The following EVC2 variants were observed in gnomAD, a reference collection of about 807,000 sequenced individuals.
The protein encoded by EVC2 is limbin.
Under a neutral mutation model 149.3 loss-of-function variants are expected in EVC2, and 148 were observed. The observed-to-expected ratio is 0.99, with a 90% CI of 0.87 to 1.14. The LOEUF is 1.14. EVC2 is among the 50% of genes most tolerant of loss of function. EVC2 has a pLI of 0.00. For synonymous variants in EVC2, 776 were observed against 649.9 expected (o/e 1.19, Z -2.95); for missense variants, 1,854 against 1,627.3 (o/e 1.14, Z -2.40).
intron 9 of EVC2, among the ~76,000 whole-genome samples, chr4:5,646,595 A>ACT (rs1717736834): frequency 6.6e-6 from 1 of 152,226 alleles, no homozygotes; most frequent in African/African-American, 2.4e-5. Flanking sequence ...ATAGAGATGT[A>ACT]TAATTATTTC....
At chr4:5,662,612 ATATT>A (rs917986252) in intron 9 of EVC2, among the ~76,000 whole-genome samples, 10 of 145,076 alleles carry the variant, frequency 6.9e-5, no homozygotes, top group African/African-American at 2.3e-4. Context: ...ATATTTAAAT[ATATT>A]TAGATTAATT....
intron 16 of EVC2, among the ~76,000 whole-genome samples, chr4:5,605,865 C>T (rs138162558): frequency 5.4e-4 from 82 of 152,320 alleles, no homozygotes; most frequent in African/African-American, 1.9e-3. Context: ...GCAACTTTGA[C>T]ATCTCCCCCT....
In EVC2 at chr4:5,613,198, GC is replaced by G. The variant is rs1714986690; in HGVS notation, c.2829+2223del. 6.6e-6 allele frequency among the ~76,000 whole-genome samples: 1 copy of G among 152,064 alleles called. No homozygotes were observed. The highest frequency in any genetic ancestry group is 1.5e-5 in the Non-Finnish European group (1 of 67,998). ...TTTGAGCAGGTTCCTCCACGGGGCT[GC>G]TCCCCCATCCACTGGCCATGACCCA... On this transcript the variant is annotated intron_variant, in intron 16 of 21. Transcript: ENST00000344408. This position sits in a 1 kb window ranked among gnomAD's most constrained non-coding sequence, Gnocchi z 4.6.
At chr4:5,674,750 G>A (rs1275723223) in intron 7 of EVC2, among the ~76,000 whole-genome samples, 2 of 152,154 alleles carry the variant, frequency 1.3e-5, no homozygotes, top group Non-Finnish European at 2.9e-5. Context: ...TTTCCTGATG[G>A]ATCCTGAATG....
chr4:5,543,737 G>T (rs946439713), intron 21 of EVC2, among the ~76,000 whole-genome samples: 2 of 152,120 alleles, frequency 1.3e-5, no homozygotes, highest in African/African-American at 4.8e-5. Flanking sequence ...AAGAGGTCAG[G>T]GGAACCGGAG....
intron 21 of EVC2, among the ~76,000 whole-genome samples, chr4:5,546,921 C>T (rs1035316415): frequency 6.6e-6 from 1 of 152,088 alleles, no homozygotes; most frequent in Admixed American, 6.5e-5. Context: ...GAAGGAGCTT[C>T]CCTGGTGCAG....
chr4:5,560,490 T>C (rs1374043927), downstream of EVC2, among the ~76,000 whole-genome samples: 11 of 152,004 alleles, frequency 7.2e-5, no homozygotes, highest in African/African-American at 2.2e-4. This position sits in a 1 kb window ranked among gnomAD's most constrained non-coding sequence, Gnocchi z 4.1. Flanking sequence ...GCCAGATACT[T>C]ATAAAACATC....
rs562041633 is a variant in EVC2 at position 5,697,791 on chromosome 4, G to T, written c.229-144C>A. 4.8e-5 allele frequency: 35 copies of T among 728,058 alleles called. No individual in the cohort carries two copies. The African/African-American group carries it at 5.5e-4, about 11-fold the overall frequency. The allele number at this position is 728,058 out of a possible 1,614,324, so 45.1% of individuals were successfully genotyped here. A position where few individuals can be genotyped will look rare whatever the true frequency, so the allele number is the denominator to read the frequency against. On this transcript the variant is annotated intron_variant, in intron 1 of 21. Transcript: ENST00000344408. ...GACAGAGTCTTGCTCTGTCACCCAG[G>T]CTGCAGTGCAGTGGCGCGATCTCGA...
At position 5,657,514 on chromosome 4, in the gene EVC2, T is replaced by C. The variant is rs560838800; in HGVS notation, c.1145+5593A>G. On this transcript the variant is annotated intron_variant, in intron 9 of 21. Coordinates refer to ENST00000344408, the MANE Select transcript of EVC2 (RefSeq NM_147127.5). This position sits in a 1 kb window ranked among gnomAD's most constrained non-coding sequence, Gnocchi z 4.7. ...AAACATGTTGTGTTGTCTTCTGGTT[T>C]GAGTAATGCTGCACCTCATCCTAAT... Among the ~76,000 whole-genome samples the C allele has an allele frequency of 7.2e-5, 11 of 152,136 alleles. No homozygotes were observed. Among genetic ancestry groups the C allele is most frequent in the Non-Finnish European group, 1.5e-4 (10 of 68,008 alleles).
chr4:5,592,241 A>G (rs1046341576), intron 16 of EVC2, among the ~76,000 whole-genome samples: 1 of 152,214 alleles, frequency 6.6e-6, no homozygotes, highest in African/African-American at 2.4e-5. Flanking sequence ...TAAAAAACAG[A>G]TAAGAGGGGC....
chr4:5,646,501 C>G (rs1335600086), intron 9 of EVC2, among the ~76,000 whole-genome samples: 1 of 152,068 alleles, frequency 6.6e-6, no homozygotes, highest in Non-Finnish European at 1.5e-5. Context: ...TGCACATTGT[C>G]TATCATTTCT....
downstream of EVC2, among the ~76,000 whole-genome samples, chr4:5,541,052 C>T (rs1297978098): frequency 6.6e-6 from 1 of 152,184 alleles, no homozygotes; most frequent in Non-Finnish European, 1.5e-5. Flanking sequence ...TTAATTTTAG[C>T]TTTTCCAGCT....
At chr4:5,536,591 T>C in the EVC2 span, among the ~76,000 whole-genome samples, 7 of 152,214 alleles carry the variant, frequency 4.6e-5, 1 homozygote, top group South Asian at 8.3e-4. Flanking sequence ...GAGACCATCT[T>C]GGCTAACATG....
At position 5,576,410 on chromosome 4, in the gene EVC2, C is replaced by A. The variant is rs377393052; in HGVS notation, c.3102G>T (p.Gln1034His). Residue 1034 changes from glutamine (Q) to histidine (H), a missense_variant, in exon 18 of 22, where the codon CAG (glutamine) becomes CAT (histidine). Transcript: ENST00000344408. This position sits in a 1 kb window ranked among gnomAD's most constrained non-coding sequence, Gnocchi z 4.5. ...LERKLEDQLVQQEAAQQQQAL... is the reference protein window; with the variant it reads ...LERKLEDQLVHQEAAQQQQAL... ...CCTGCTGCTGCTGGGCTGCCTCCTG[C>A]TGCACCAGCTGGTCCTCCAGCTTCC... 6.8e-6 allele frequency: 11 copies of A among 1,612,076 alleles called. No individual in the cohort carries two copies. The highest frequency in any genetic ancestry group is 2.7e-5 in the African/African-American group (2 of 75,006).
Position 5,562,693 on chromosome 4 carries a change from C to T in EVC2, c.*155G>A, listed in dbSNP as rs532326469. The stretch of plus-strand genomic sequence containing the variant: ...GGAAATTCATGAGACAAGATTAAAC[C>T]GAGTCCCTGCAAGTTGGCATGCGCT... On this transcript the variant is annotated 3_prime_UTR_variant, in exon 22 of 22. Coordinates refer to ENST00000344408, the MANE Select transcript of EVC2 (RefSeq NM_147127.5). The surrounding 1 kb of genome is among the most constrained non-coding windows in gnomAD (Gnocchi z 4.3). 13 of 1,507,406 alleles carry T rather than the reference C, an allele frequency of 8.6e-6. 1 individual carries two copies. The highest frequency in any genetic ancestry group is 2.6e-5 in the South Asian group (2 of 76,820). The allele number at this position is 1,507,406 out of a possible 1,614,324, so 93.4% of individuals were successfully genotyped here.
intron 21 of EVC2, among the ~76,000 whole-genome samples, chr4:5,552,636 T>A (rs190341089): frequency 2.3e-4 from 35 of 152,238 alleles, no homozygotes; most frequent in Non-Finnish European, 2.9e-5. Flanking sequence ...CACAGGACCA[T>A]GAATAAATGA....
At chr4:5,671,858 A>C (rs1297620869) in intron 7 of EVC2, among the ~76,000 whole-genome samples, 1 of 152,252 alleles carries the variant, frequency 6.6e-6, no homozygotes, top group African/African-American at 2.4e-5. Context: ...TCACATGTGA[A>C]GAAACCAAGG....
At chr4:5,541,656 A>G (rs1036944776), downstream of EVC2, among the ~76,000 whole-genome samples, 4 of 152,166 alleles carry the variant, frequency 2.6e-5, no homozygotes, top group Admixed American at 6.5e-5. Flanking sequence ...GTGTTTGCCA[A>G]TGTAAACTCG....
chr4:5,556,012 T>C (rs995318072), intron 21 of EVC2, among the ~76,000 whole-genome samples: 3 of 151,708 alleles, frequency 2.0e-5, no homozygotes, highest in African/African-American at 7.3e-5. Context: ...ATCCCATCTC[T>C]ACTAAAAATA....
Sources: gnomAD v4.1 joint callset for allele counts (sites outside exome capture counted in the v4.1 genomes callset) on GRCh38, gnomAD v4.1.1 for gene constraint, Gnocchi (gnomAD v3.1) non-coding constraint, MANE v1.5 for transcripts, NCBI Gene and HGNC (gene_info 2026-07-23, HGNC 2026-07-21) for gene names.